SLA: variants seen among roughly 807,000 people sequenced by gnomAD.
The protein encoded by SLA is src-like-adapter.
SLA carries 16 observed loss-of-function variants against 30.3 expected under a neutral mutation model. The observed-to-expected ratio is 0.53, with a 90% CI of 0.36 to 0.80. The LOEUF is 0.80. Among genes scored for constraint, SLA ranks in the 30% least tolerant of loss-of-function variants. The pLI is 0.01. For synonymous variants in SLA, 143 were observed against 137.8 expected, an observed-to-expected ratio of 1.04 and a Z score of -0.26; for missense variants, 310 against 345.2, an observed-to-expected ratio of 0.90 and a Z score of 0.81.
At chr8:133,100,601 T>C (rs1023781780) in intron 1 of SLA, among the ~76,000 whole-genome samples, 2 of 152,208 alleles carry the variant, frequency 1.3e-5, no homozygotes, top group African/African-American at 2.4e-5. Flanking sequence ...TTATTATTAC[T>C]ATTTTTCAGA....
chr8:133,091,406 A>G (rs1052232806), intron 1 of SLA, among the ~76,000 whole-genome samples: 2 of 152,124 alleles, frequency 1.3e-5, no homozygotes, highest in African/African-American at 4.8e-5. Flanking sequence ...ACCCTCTGAC[A>G]CATGGATGCC....
At chr8:133,100,804 A>G (rs550843568) in intron 1 of SLA, among the ~76,000 whole-genome samples, 1 of 152,212 alleles carries the variant, frequency 6.6e-6, no homozygotes, top group South Asian at 2.1e-4. Context: ...TTCTACCCAC[A>G]TTCTTTTTTT....
intron 2 of SLA, among the ~76,000 whole-genome samples, chr8:133,062,238 G>A (rs762380959): frequency 3.3e-5 from 5 of 152,032 alleles, no homozygotes; most frequent in African/African-American, 1.2e-4. Context: ...AAAAACATGC[G>A]CACCCAAAAT....
intron 1 of SLA, among the ~76,000 whole-genome samples, chr8:133,088,335 C>T (rs537084155): frequency 2.4e-4 from 36 of 152,308 alleles, no homozygotes; most frequent in African/African-American, 8.7e-4. Flanking sequence ...CATCCACCAG[C>T]CGCTCATGAG....
intron 1 of SLA, among the ~76,000 whole-genome samples, chr8:133,087,197 A>G (rs1429610104): frequency 6.6e-6 from 1 of 151,068 alleles, no homozygotes. Context: ...TGTAATTTTA[A>G]TTTTCTTTGT....
rs978038815 is a variant in SLA, at chr8:133,037,849, C to T, written c.*675G>A. On this transcript the variant is annotated 3_prime_UTR_variant, in exon 9 of 9. Transcript: ENST00000338087. The stretch of plus-strand genomic sequence containing the variant: ...CTCGATTTCCCTGCCAGCAGTCTTC[C>T]TCTCTCTCATTCTTCTGGCCCTCTG... The T allele has an allele frequency of 6.6e-6, 1 of 152,304 alleles. No homozygotes were observed. The highest frequency in any genetic ancestry group is 1.5e-5 in the Non-Finnish European group (1 of 68,152). The allele number at this position is 152,304 out of a possible 1,614,324, so 9.4% of individuals were successfully genotyped here. A position where few individuals can be genotyped will look rare whatever the true frequency, so the allele number is the denominator to read the frequency against.
At chr8:133,089,841 C>G (rs1004064603) in intron 1 of SLA, 2 of 152,280 alleles carry the variant, frequency 1.3e-5, no homozygotes, top group African/African-American at 4.8e-5. Context: ...GGAATGGTCA[C>G]CCACCCTGTT....
intron 1 of SLA, among the ~76,000 whole-genome samples, chr8:133,082,749 C>A (rs188782743): frequency 4.6e-5 from 7 of 152,350 alleles, no homozygotes; most frequent in Admixed American, 3.9e-4. Flanking sequence ...TCTGTAACAG[C>A]ATTATGATGA....
intron 5 of SLA, chr8:133,048,844 A>G (rs1839924679): frequency 1.0e-5 from 2 of 190,962 alleles, no homozygotes; most frequent in South Asian, 1.8e-4. Context: ...AAGATCATGA[A>G]TACTAAAATT....
intron 1 of SLA, chr8:133,096,287 C>G: frequency 4.3e-6 from 7 of 1,614,228 alleles, no homozygotes; most frequent in Non-Finnish European, 5.9e-6. Context: ...AGCCAGAGCA[C>G]TGAAGAGGTC....
chr8:133,060,147 A>G lies in SLA; in HGVS notation c.14T>C (p.Met5Thr). MGNS[M>T]KSTPAPAERP... Reference sequence around the variant, plus strand: ...CTCGGCAGGCGCAGGGGTGGATTTCATGCTGTTTCCCATTTCTTTCTTTTT... The same window carrying G: ...CTCGGCAGGCGCAGGGGTGGATTTCGTGCTGTTTCCCATTTCTTTCTTTTT... Residue 5 changes from methionine (M) to threonine (T), a missense_variant, in exon 3 of 9, where the codon ATG becomes ACG. Transcript: ENST00000338087. 1 of 1,612,684 alleles carries G rather than the reference A, an allele frequency of 6.2e-7. No individual in the cohort carries two copies. Among genetic ancestry groups the G allele is most frequent in the African/African-American group, 1.3e-5 (1 of 74,950 alleles).
intron 1 of SLA, among the ~76,000 whole-genome samples, chr8:133,100,682 A>G (rs1448488338): frequency 6.6e-6 from 1 of 152,190 alleles, no homozygotes; most frequent in Admixed American, 6.5e-5. Context: ...ACTCTGGGAA[A>G]AGCCAGGCTT....
chr8:133,096,280 C>A lies in SLA; in HGVS notation c.-319+6273G>T, dbSNP rs147500976. Reference sequence around the variant, plus strand: ...GCCACTTCCTCCGTGAGCCTCCAGCCAGAGCACTGAAGAGGTCTTTATGGG... The same window carrying A: ...GCCACTTCCTCCGTGAGCCTCCAGCAAGAGCACTGAAGAGGTCTTTATGGG... On this transcript the variant is annotated intron_variant, in intron 1 of 8. Transcript: ENST00000338087. 1.5e-5 allele frequency: 24 copies of A among 1,614,238 alleles called. No homozygotes were observed. In the African/African-American group the frequency reaches 2.1e-4, roughly 14 times the overall value.
chr8:133,038,809 G>A (rs1273962438), intron 8 of SLA, 72 bp from the exon 9 acceptor site: 1 of 950,882 alleles, frequency 1.1e-6, no homozygotes, highest in East Asian at 2.5e-5. Flanking sequence ...GAGATAAAGG[G>A]CAAGAGAATG....
At chr8:133,071,746 C>G (rs1205890177) in intron 2 of SLA, among the ~76,000 whole-genome samples, 1 of 152,158 alleles carries the variant, frequency 6.6e-6, no homozygotes, top group Non-Finnish European at 1.5e-5. Context: ...ACTGACTACA[C>G]TTGGTCCCCT....
chr8:133,067,389 G>A (rs893603536), intron 2 of SLA, among the ~76,000 whole-genome samples: 3 of 152,172 alleles, frequency 2.0e-5, no homozygotes, highest in Non-Finnish European at 2.9e-5. Flanking sequence ...ACCTACAAGG[G>A]CAGGCAGCCA....
intron 2 of SLA, among the ~76,000 whole-genome samples, chr8:133,065,621 A>G (rs1204705215): frequency 6.6e-6 from 1 of 151,974 alleles, no homozygotes; most frequent in East Asian, 1.9e-4. Context: ...AATTAGCCGG[A>G]CATGTTGGCA....
chr8:133,042,064 G>A lies in SLA; in HGVS notation c.485-1934C>T, dbSNP rs559670087. Among the ~76,000 whole-genome samples the A allele has an allele frequency of 2.7e-4, 41 of 152,172 alleles. No homozygotes were observed. The East Asian group carries it at 4.1e-3, about 15-fold the overall frequency. The stretch of plus-strand genomic sequence containing the variant: ...AGCCTCCCAAAGTGCTGGGATTACA[G>A]GTGTGAGCCACCACACCCGGCTGTC... On this transcript the variant is annotated intron_variant, in intron 7 of 8. Transcript: ENST00000338087.
chr8:133,080,228 C>G (rs1845540851), intron 1 of SLA, among the ~76,000 whole-genome samples: 1 of 152,116 alleles, frequency 6.6e-6, no homozygotes, highest in Admixed American at 6.5e-5. Flanking sequence ...GTTCAAGGAG[C>G]AGACAGAAAG....
Sources: gnomAD v4.1 joint callset for allele counts (sites outside exome capture counted in the v4.1 genomes callset) on GRCh38, gnomAD v4.1.1 for gene constraint, MANE v1.5 for transcripts, NCBI Gene and HGNC (gene_info 2026-07-23, HGNC 2026-07-21) for gene names.